CSF1R: variants seen among roughly 807,000 people sequenced by gnomAD.
CSF1R encodes the protein colony stimulating factor 1 receptor.
In CSF1R, 40 loss-of-function variants were observed where a neutral mutation model predicts 110.0. The ratio of observed to expected loss-of-function variants is 0.36; its 90% confidence interval spans 0.28 to 0.47. The LOEUF (loss-of-function observed/expected upper bound fraction) is 0.47. Ranked by LOEUF, CSF1R falls within the 20% of genes least tolerant of loss-of-function variation. The pLI, the probability that CSF1R is intolerant of heterozygous loss-of-function variation, is 0.99. For synonymous variants in CSF1R, 523 were observed against 503.4 expected, an observed-to-expected ratio of 1.04 and a Z score of -0.52; for missense variants, 1,052 against 1,253.0, an observed-to-expected ratio of 0.84 and a Z score of 2.42.
chr5:150,099,192 G>A (rs1398189016), intron 1 of CSF1R, among the ~76,000 whole-genome samples: 3 of 151,684 alleles, frequency 2.0e-5, no homozygotes, highest in Non-Finnish European at 2.9e-5. Flanking sequence ...ACAGGCGTGA[G>A]CCACCGTGCC....
chr5:150,080,730 G>T lies in CSF1R; in HGVS notation c.307+37C>A, dbSNP rs199646591. ...AGGGCCCATTGTAGTGGGGCCTGCC[G>T]GGTCAGGCCTCTTGGGAGGAGGCTC... is the stretch of plus-strand genomic sequence containing the variant. On this transcript the variant is annotated intron_variant, in intron 2 of 20. Coordinates refer to ENST00000675795, the MANE Select transcript of CSF1R (RefSeq NM_001288705.3). 4 of 1,610,902 alleles carry T rather than the reference G, an allele frequency of 2.5e-6. No homozygotes were observed. In the African/African-American group the frequency reaches 4.0e-5, roughly 16 times the overall value.
intron 5 of CSF1R, chr5:150,076,804 C>T (rs1758285672): frequency 4.2e-6 from 1 of 238,286 alleles, no homozygotes; most frequent in Non-Finnish European, 8.3e-6. Flanking sequence ...CTTTCCCACC[C>T]TTCTGCCCGG....
intron 13 of CSF1R, 65 bp downstream of exon 13, chr5:150,060,797 C>A: frequency 1.9e-6 from 2 of 1,044,690 alleles, no homozygotes; most frequent in South Asian, 1.4e-5. Flanking sequence ...AACAAGGTAG[C>A]CCTGGGGCCC....
intron 5 of CSF1R, among the ~76,000 whole-genome samples, chr5:150,074,820 A>G (rs1758191730): frequency 1.3e-5 from 2 of 150,064 alleles, no homozygotes; most frequent in African/African-American, 5.0e-5. Context: ...GTGCTCATCC[A>G]GCCACCTCCC....
At chr5:150,065,394 G>A (rs1259031997) in intron 10 of CSF1R, among the ~76,000 whole-genome samples, 6 of 152,162 alleles carry the variant, frequency 3.9e-5, no homozygotes, top group Non-Finnish European at 8.8e-5. Context: ...ATTTCCCTGT[G>A]CGCCTCCTCC....
intron 1 of CSF1R, among the ~76,000 whole-genome samples, chr5:150,095,230 C>T (rs1482083184): frequency 1.3e-5 from 2 of 150,830 alleles, no homozygotes; most frequent in Non-Finnish European, 1.5e-5. Flanking sequence ...GTAGGTGGTA[C>T]AAGTAGAGAG....
At chr5:150,082,919 C>G (rs1020511605) in intron 1 of CSF1R, among the ~76,000 whole-genome samples, 3 of 152,174 alleles carry the variant, frequency 2.0e-5, no homozygotes, top group African/African-American at 7.2e-5. Flanking sequence ...TCCATTTGTT[C>G]CTTTTTTACA....
In CSF1R at chr5:150,061,708, G is replaced by A. The variant is rs886060256; in HGVS notation, c.1753+15C>T. On this transcript the variant is annotated intron_variant, in intron 11 of 20. Transcript: ENST00000675795. Reference sequence around the variant, plus strand: ...CTGTGATAGGAAGCTGTGGAGTGATGAGCTGCCATCTCACCAAACTGCAGG... The same window carrying A: ...CTGTGATAGGAAGCTGTGGAGTGATAAGCTGCCATCTCACCAAACTGCAGG... 2 of 1,614,182 alleles carry A rather than the reference G, an allele frequency of 1.2e-6. No individual in the cohort carries two copies. The highest frequency in any genetic ancestry group is 2.2e-5 in the South Asian group (2 of 91,074).
At chr5:150,076,352 ATC>A (rs1758262925) in intron 5 of CSF1R, among the ~76,000 whole-genome samples, 1 of 147,744 alleles carries the variant, frequency 6.8e-6, no homozygotes, top group Non-Finnish European at 1.5e-5. Context: ...CTATCTATCT[ATC>A]TATCTATCTA....
At chr5:150,101,864 T>C (rs1181269512) in intron 1 of CSF1R, among the ~76,000 whole-genome samples, 2 of 152,110 alleles carry the variant, frequency 1.3e-5, no homozygotes, top group Non-Finnish European at 2.9e-5. Context: ...TGTCCACCCA[T>C]CCATCCCATC....
intron 1 of CSF1R, among the ~76,000 whole-genome samples, chr5:150,106,868 T>C (rs770568768): frequency 9.2e-5 from 14 of 152,210 alleles, no homozygotes; most frequent in Admixed American, 6.5e-5. Context: ...CCCTGTCTTA[T>C]AGTCTCTCGT....
At chr5:150,076,052 G>C (rs17651965) in intron 5 of CSF1R, among the ~76,000 whole-genome samples, 37,025 of 152,236 alleles carry the variant, frequency 0.24, 7,642 homozygotes, top group African/African-American at 0.55. Context: ...CCGATGAGCT[G>C]CTGCCTTGCT....
chr5:150,073,687 C>G lies in CSF1R; in HGVS notation c.890-194G>C, dbSNP rs1356343088. ...TCAGAATCCCTGGATCAAAACTTTT[C>G]TCACTGAAGCCCTAGGAGAACCTGG... On this transcript the variant is annotated intron_variant, in intron 5 of 20. Transcript: ENST00000675795. 2.0e-5 allele frequency among the ~76,000 whole-genome samples: 3 copies of G among 152,212 alleles called. No individual in the cohort carries two copies. The South Asian group carries it at 6.2e-4, about 32-fold the overall frequency.
intron 1 of CSF1R, among the ~76,000 whole-genome samples, chr5:150,107,257 G>A (rs1759584066): frequency 6.6e-6 from 1 of 152,244 alleles, no homozygotes; most frequent in Non-Finnish European, 1.5e-5. Context: ...CTGGTGGGAG[G>A]TAAGGCAAGT....
intron 16 of CSF1R, 115 bp downstream of exon 16, chr5:150,057,172 G>C: frequency 3.6e-6 from 3 of 831,048 alleles, no homozygotes; most frequent in African/African-American, 1.7e-5. Flanking sequence ...CTCATACTCT[G>C]TCTCCTCCCC....
At chr5:150,105,974 G>C (rs922857924) in intron 1 of CSF1R, among the ~76,000 whole-genome samples, 8 of 152,246 alleles carry the variant, frequency 5.3e-5, no homozygotes, top group Admixed American at 4.6e-4. Flanking sequence ...AGAGAGGTTA[G>C]TTCACTTGCC....
At chr5:150,059,445 G>T (rs1263116026) in intron 14 of CSF1R, among the ~76,000 whole-genome samples, 3 of 152,236 alleles carry the variant, frequency 2.0e-5, no homozygotes, top group East Asian at 1.9e-4. Flanking sequence ...ACCAGATTAT[G>T]AGCTGCCCAT....
chr5:150,077,626 A>C (rs1243864590), intron 4 of CSF1R, among the ~76,000 whole-genome samples, 191 bp from the exon 5 acceptor site: 2 of 152,090 alleles, frequency 1.3e-5, no homozygotes, highest in Non-Finnish European at 2.9e-5. Flanking sequence ...TATGCATGCA[A>C]GTGGCTTAGG....
rs1428500401 is a variant in CSF1R at position 150,061,860 on chromosome 5, G to A, written c.1627-11C>T. ...CTGGTACTTGGGCTTCTGCAGAAGAGGAAGGGAGCACGTGGCAGTCGGGGC... is the reference window on the plus strand; with the variant it reads ...CTGGTACTTGGGCTTCTGCAGAAGAAGAAGGGAGCACGTGGCAGTCGGGGC... On this transcript the variant is annotated splice_polypyrimidine_tract_variant and intron_variant, in intron 10 of 20. Coordinates refer to ENST00000675795, the MANE Select transcript of CSF1R (RefSeq NM_001288705.3). 6.2e-7 allele frequency: 1 copy of A among 1,614,142 alleles called. No individual in the cohort carries two copies. Among genetic ancestry groups the A allele is most frequent in the Non-Finnish European group, 8.5e-7 (1 of 1,180,004 alleles).
Sources: allele counts gnomAD v4.1 joint callset (sites outside exome capture counted in the v4.1 genomes callset), GRCh38; gene constraint gnomAD v4.1.1; transcripts MANE v1.5; gene names NCBI Gene and HGNC (gene_info 2026-07-23, HGNC 2026-07-21).